Variants in USP34 observed in about 807,000 individuals in gnomAD.
USP34 encodes the protein ubiquitin carboxyl-terminal hydrolase 34.
Under a neutral mutation model 460.3 loss-of-function variants are expected in USP34, and 70 were observed. The ratio of observed to expected loss-of-function variants is 0.15; its 90% CI spans 0.13 to 0.19. The LOEUF (loss-of-function observed/expected upper bound fraction) is 0.19. Ranked by LOEUF, USP34 falls within the 10% of genes least tolerant of loss-of-function variation. The probability of loss-of-function intolerance (pLI) is 1.00; values close to 1 mark genes in which losing one functional copy is unlikely to be tolerated. For missense variants in USP34, 3,985 were observed against 4,236.2 expected, an observed-to-expected ratio of 0.94 and a Z score of 1.65; for synonymous variants, 1,647 against 1,405.3, an observed-to-expected ratio of 1.17 and a Z score of -3.85.
At chr2:61,467,695 C>T (rs973480271) in intron 1 of USP34, among the ~76,000 whole-genome samples, 2 of 143,314 alleles carry the variant, frequency 1.4e-5, no homozygotes, top group South Asian at 2.3e-4. Context: ...TCTCGGCTCA[C>T]TGCAACCTCC....
chr2:61,245,104 A>T, intron 51 of USP34, 106 bp downstream of exon 51: 1 of 713,726 alleles, frequency 1.4e-6, no homozygotes, highest in Non-Finnish European at 2.3e-6. Flanking sequence ...TTTTGATTTA[A>T]TCATAGCAAT....
intron 43 of USP34, among the ~76,000 whole-genome samples, chr2:61,264,579 T>G (rs181588662): frequency 1.3e-3 from 204 of 152,184 alleles, no homozygotes; most frequent in African/African-American, 4.8e-3. Context: ...AGGTCAACAC[T>G]GCAGTGAGCT....
At chr2:61,356,368 T>C (rs1057391919) in intron 10 of USP34, among the ~76,000 whole-genome samples, 3 of 152,084 alleles carry the variant, frequency 2.0e-5, no homozygotes, top group Non-Finnish European at 2.9e-5. Context: ...CATGTGCCCA[T>C]AGTCCCAGCT....
In USP34 at chr2:61,227,231, A is replaced by T. The variant is rs972066923; in HGVS notation, c.7444-13T>A. 1.0e-5 allele frequency: 16 copies of T among 1,599,792 alleles called. No individual in the cohort carries two copies. In the Admixed American group the frequency reaches 1.6e-4, roughly 16 times the overall value. Reference sequence around the variant, plus strand: ...CTTCAACTTGAGGCTAAGTTGGAATAAAATTCAATTTTAATACGGTAGTAG... The same window carrying T: ...CTTCAACTTGAGGCTAAGTTGGAATTAAATTCAATTTTAATACGGTAGTAG... On this transcript the variant is annotated splice_polypyrimidine_tract_variant and intron_variant, in intron 61 of 79. Transcript: ENST00000398571.
At chr2:61,389,428 T>C (rs1490683227) in intron 5 of USP34, among the ~76,000 whole-genome samples, 1 of 152,124 alleles carries the variant, frequency 6.6e-6, no homozygotes, top group Non-Finnish European at 1.5e-5. Flanking sequence ...TATTTTAGAA[T>C]ACACAGACAC....
chr2:61,384,952 T>A (rs1489888180), intron 5 of USP34, among the ~76,000 whole-genome samples: 1 of 152,078 alleles, frequency 6.6e-6, no homozygotes, highest in Non-Finnish European at 1.5e-5. Context: ...TATAATTATA[T>A]AATTAGGAAA....
In USP34 at chr2:61,342,483, T is replaced by G. The variant is rs144022680; in HGVS notation, c.2500+1332A>C. The stretch of plus-strand genomic sequence containing the variant: ...ACGCAGCTAATTTATTTTTTTTTTT[T>G]GTATTTTTAGTAGGGATGGGGTTTC... On this transcript the variant is annotated intron_variant, in intron 16 of 79. Transcript: ENST00000398571. 1.3e-3 allele frequency among the ~76,000 whole-genome samples: 193 copies of G among 151,578 alleles called. 3 individuals are homozygous for G. In the East Asian group the frequency reaches 0.035, roughly 27 times the overall value.
chr2:61,259,257 T>C (rs1355716993), intron 44 of USP34, among the ~76,000 whole-genome samples: 1 of 151,662 alleles, frequency 6.6e-6, no homozygotes, highest in Non-Finnish European at 1.5e-5. Context: ...AGACTCTGTC[T>C]CAAAATAAAT....
intron 43 of USP34, 89 bp downstream of exon 43, chr2:61,265,308 A>T (rs974797921): frequency 4.3e-6 from 6 of 1,402,706 alleles, no homozygotes; most frequent in Non-Finnish European, 5.8e-6. Context: ...TTATTTTTTC[A>T]AACATTTACT....
In USP34 at chr2:61,257,197, T is replaced by C. The variant is rs772070219; in HGVS notation, c.5991+7A>G. ...TCAAAGAAACTTTTCAGTATTCTGA[T>C]ACTAACCAGTTCGGGAGACATTTCT... On this transcript the variant is annotated splice_region_variant and intron_variant, in intron 45 of 79. Coordinates refer to ENST00000398571, the MANE Select transcript of USP34 (RefSeq NM_014709.4). 1.5e-5 allele frequency: 24 copies of C among 1,603,694 alleles called. No homozygotes were observed. The highest frequency in any genetic ancestry group is 6.7e-5 in the East Asian group (3 of 44,718).
At position 61,348,358 on chromosome 2, in the gene USP34, G is replaced by A; in HGVS notation, c.1797C>T (p.Ser599=). The A allele has an allele frequency of 6.2e-7, 1 of 1,614,034 alleles. No homozygotes were observed. The change falls in exon 15 of 80, where the codon AGC becomes AGT. Residue 599 remains serine (S), a synonymous_variant. Coordinates refer to ENST00000398571, the MANE Select transcript of USP34 (RefSeq NM_014709.4). ...CACTGCCAGGGCTCCCAGCTGACTGGCTTGCGTGGCTAGAATTAACCTCAT... is the reference window on the plus strand; with the variant it reads ...CACTGCCAGGGCTCCCAGCTGACTGACTTGCGTGGCTAGAATTAACCTCAT... The part of the protein sequence containing the change: ...SSNEVNSSHA[S]QSAGSPGSEV...
At chr2:61,324,583 G>C (rs909676389) in intron 21 of USP34, among the ~76,000 whole-genome samples, 3 of 152,008 alleles carry the variant, frequency 2.0e-5, no homozygotes, top group Non-Finnish European at 4.4e-5. Flanking sequence ...GACCAGCCTG[G>C]GCAACACAGT....
At chr2:61,433,942 T>C (rs1694745151) in intron 1 of USP34, among the ~76,000 whole-genome samples, 1 of 152,086 alleles carries the variant, frequency 6.6e-6, no homozygotes, top group Non-Finnish European at 1.5e-5. Flanking sequence ...AGCTGCAACT[T>C]TGGTCCCGCA....
intron 67 of USP34, among the ~76,000 whole-genome samples, chr2:61,219,627 C>G (rs758681647): frequency 1.3e-5 from 2 of 149,270 alleles, no homozygotes; most frequent in Non-Finnish European, 3.0e-5. Context: ...GCTGAGACTG[C>G]ACCACTGCAC....
chr2:61,404,404 T>C (rs1021198837), intron 3 of USP34, among the ~76,000 whole-genome samples: 1 of 152,164 alleles, frequency 6.6e-6, no homozygotes, highest in East Asian at 1.9e-4. Flanking sequence ...TCTACTTCAC[T>C]ACCCCTTTGA....
At chr2:61,294,263 G>A (rs933188488) in intron 32 of USP34, among the ~76,000 whole-genome samples, 5 of 151,012 alleles carry the variant, frequency 3.3e-5, no homozygotes, top group African/African-American at 7.3e-5. Context: ...GGAGAATCGC[G>A]TGAACCTGGG....
intron 34 of USP34, among the ~76,000 whole-genome samples, chr2:61,285,951 C>T (rs1018338179): frequency 1.3e-5 from 2 of 152,152 alleles, no homozygotes; most frequent in Admixed American, 1.3e-4. Flanking sequence ...ATTCTGTGCA[C>T]ATACTTCCTA....
Position 61,268,201 on chromosome 2 carries a change from TG to T in USP34, c.5434-2035del, listed in dbSNP as rs540656909. On this transcript the variant is annotated intron_variant, in intron 41 of 79. Coordinates refer to ENST00000398571, the MANE Select transcript of USP34 (RefSeq NM_014709.4). ...TTGGGTATTTGTCCAATAAAAGAAC[TG>T]TTGTCTTAGTCTGTTTAGGCTGCTG... 3.9e-5 allele frequency among the ~76,000 whole-genome samples: 6 copies of T among 152,166 alleles called. No individual in the cohort carries two copies. In the South Asian group the frequency reaches 1.2e-3, roughly 32 times the overall value.
rs371423015 is a variant in USP34 at position 61,277,521 on chromosome 2, G to A, written c.5433+644C>T. Among the ~76,000 whole-genome samples, 12 of 152,158 alleles carry A rather than the reference G, an allele frequency of 7.9e-5. No homozygotes were observed. In the East Asian group the frequency reaches 1.5e-3, roughly 19 times the overall value. ...CAAAGTGCTAGGACTATAGGCACGA[G>A]CCACCGTGCCCAGCCTTAGGTTACC... On this transcript the variant is annotated intron_variant, in intron 41 of 79. Transcript: ENST00000398571.
Sources: gnomAD v4.1 joint callset for allele counts (sites outside exome capture counted in the v4.1 genomes callset) on GRCh38, gnomAD v4.1.1 for gene constraint, MANE v1.5 for transcripts, NCBI Gene and HGNC (gene_info 2026-07-23, HGNC 2026-07-21) for gene names.